ADCYAP1R1: variants seen among roughly 807,000 people sequenced by gnomAD.
The protein encoded by ADCYAP1R1 is pituitary adenylate cyclase-activating polypeptide type I receptor.
In ADCYAP1R1, 44 loss-of-function variants were observed where a neutral mutation model predicts 67.6. The ratio of observed to expected loss-of-function variants is 0.65; its 90% CI spans 0.51 to 0.84. The LOEUF is 0.84. Among genes scored for constraint, ADCYAP1R1 ranks in the 40% least tolerant of loss-of-function variants. ADCYAP1R1 has a pLI of 0.00. For missense variants in ADCYAP1R1, 477 were observed against 587.9 expected, an observed-to-expected ratio of 0.81 and a Z score of 1.95; for synonymous variants, 222 against 219.6, an observed-to-expected ratio of 1.01 and a Z score of -0.10.
In ADCYAP1R1 at chr7:31,111,315, G is replaced by A. The variant is rs1213545576; in HGVS notation, c.*4631G>A. 1 of 152,214 alleles carries A rather than the reference G, an allele frequency of 6.6e-6. No homozygotes were observed. The highest frequency in any genetic ancestry group is 1.5e-5 in the Non-Finnish European group (1 of 68,058). The allele number at this position is 152,214 out of a possible 1,614,324, so 9.4% of individuals were successfully genotyped here. ...CATGGTTCCTGCCTCACTTGTGGGA[G>A]CTGGACCAGCCTGGGTTTCATCTCC... On this transcript the variant is annotated 3_prime_UTR_variant, in exon 16 of 16. Coordinates refer to ENST00000304166, the MANE Select transcript of ADCYAP1R1 (RefSeq NM_001118.5).
chr7:31,068,703 C>G (rs770186608), intron 3 of ADCYAP1R1, among the ~76,000 whole-genome samples: 40 of 152,164 alleles, frequency 2.6e-4, no homozygotes, highest in Non-Finnish European at 5.1e-4. Flanking sequence ...GGGGAGGCCC[C>G]TGGGGAGGCT....
chr7:31,093,243 C>G (rs1364254732), intron 13 of ADCYAP1R1, among the ~76,000 whole-genome samples: 1 of 152,174 alleles, frequency 6.6e-6, no homozygotes, highest in Non-Finnish European at 1.5e-5. Flanking sequence ...CCTCCACAGG[C>G]CCTCGGGGCA....
At chr7:31,055,928 T>G (rs966937171) in intron 1 of ADCYAP1R1, among the ~76,000 whole-genome samples, 1 of 152,176 alleles carries the variant, frequency 6.6e-6, no homozygotes, top group Admixed American at 6.5e-5. Flanking sequence ...CTGTGATTGA[T>G]TCCCCCACTC....
intron 15 of ADCYAP1R1, 144 bp downstream of exon 15, chr7:31,105,053 A>G (rs1171568135): frequency 1.2e-6 from 1 of 848,434 alleles, no homozygotes; most frequent in African/African-American, 1.7e-5. Context: ...GGGGCTGGTC[A>G]TACAGCTCCT....
At chr7:31,084,942 TG>T in intron 8 of ADCYAP1R1, 108 bp downstream of exon 8, 1 of 1,073,084 alleles carries the variant, frequency 9.3e-7, no homozygotes, top group South Asian at 1.3e-5. Context: ...AAGACCCCTT[TG>T]AAGGCATTTC....
intron 13 of ADCYAP1R1, among the ~76,000 whole-genome samples, chr7:31,094,556 AG>A (rs1161114936): frequency 6.6e-6 from 1 of 152,040 alleles, no homozygotes; most frequent in Non-Finnish European, 1.5e-5. Context: ...TCTTCTACTG[AG>A]GGCCCCCCAA....
At chr7:31,087,530 A>C in intron 11 of ADCYAP1R1, 97 bp from the exon 12 acceptor site, 1 of 1,073,328 alleles carries the variant, frequency 9.3e-7, no homozygotes, top group Non-Finnish European at 1.4e-6. Context: ...TGCGGTGGTG[A>C]AAGTGTCGGG....
chr7:31,064,974 G>T, intron 3 of ADCYAP1R1, 38 bp downstream of exon 3: 2 of 1,498,232 alleles, frequency 1.3e-6, no homozygotes, highest in Non-Finnish European at 1.8e-6. Context: ...CGTCCCCAGT[G>T]CCAGCTTTTA....
chr7:31,098,705 G>T (rs929591229), intron 13 of ADCYAP1R1, among the ~76,000 whole-genome samples: 1 of 23,036 alleles, frequency 4.3e-5, no homozygotes, highest in Non-Finnish European at 6.5e-5. Context: ...CAGCGGGGCG[G>T]GGGGGGGGGG....
At chr7:31,080,449 T>C (rs1795469761) in intron 4 of ADCYAP1R1, among the ~76,000 whole-genome samples, 164 bp from the exon 5 acceptor site, 1 of 152,158 alleles carries the variant, frequency 6.6e-6, no homozygotes, top group Admixed American at 6.5e-5. Flanking sequence ...TGTCCCCAGC[T>C]TATAGTCCTG....
At chr7:31,065,462 C>T (rs1794696203) in intron 3 of ADCYAP1R1, among the ~76,000 whole-genome samples, 1 of 152,206 alleles carries the variant, frequency 6.6e-6, no homozygotes, top group Non-Finnish European at 1.5e-5. Context: ...CTGCTTCCCT[C>T]CACTGGAGGA....
At position 31,090,068 on chromosome 7, in the gene ADCYAP1R1, G is replaced by A. The variant is rs747837563; in HGVS notation, c.954+2372G>A. 2.0e-5 allele frequency among the ~76,000 whole-genome samples: 3 copies of A among 152,046 alleles called. No individual in the cohort carries two copies. The South Asian group carries it at 6.2e-4, about 31-fold the overall frequency. On this transcript the variant is annotated intron_variant, in intron 12 of 15. Coordinates refer to ENST00000304166, the MANE Select transcript of ADCYAP1R1 (RefSeq NM_001118.5). ...TTTTTATTTGCCTTGAAACAATTAA[G>A]CAGTATGTAAATTACATCTTTGTTA...
chr7:31,076,494 T>C (rs1183685683), intron 3 of ADCYAP1R1, among the ~76,000 whole-genome samples: 1 of 152,172 alleles, frequency 6.6e-6, no homozygotes, highest in African/African-American at 2.4e-5. Flanking sequence ...CAGTTTCCTC[T>C]TCCTTGCAGC....
At position 31,111,103 on chromosome 7, in the gene ADCYAP1R1, A is replaced by T. The variant is rs1156517143; in HGVS notation, c.*4419A>T. 1 of 152,214 alleles carries T rather than the reference A, an allele frequency of 6.6e-6. No homozygotes were observed. Among genetic ancestry groups the T allele is most frequent in the Non-Finnish European group, 1.5e-5 (1 of 68,042 alleles). 9.4% of individuals were successfully genotyped at this position (152,214 alleles called of 1,614,324 possible). On this transcript the variant is annotated 3_prime_UTR_variant, in exon 16 of 16. Transcript: ENST00000304166. ...GAGTGAGGATACTTCCATATGGGTG[A>T]TAGCAGCCATGCCCCTGGGAGTCAA...
chr7:31,084,023 C>A, intron 6 of ADCYAP1R1, 118 bp from the exon 7 acceptor site: 1 of 774,424 alleles, frequency 1.3e-6, no homozygotes, highest in Non-Finnish European at 2.2e-6. Flanking sequence ...TTTCCCCATG[C>A]TTCCCAGTTG....
At chr7:31,095,244 G>T (rs1168583214) in intron 13 of ADCYAP1R1, among the ~76,000 whole-genome samples, 1 of 152,228 alleles carries the variant, frequency 6.6e-6, no homozygotes. Flanking sequence ...CTAGTTATCA[G>T]TGAAGTGACG....
chr7:31,085,016 G>A (rs1025969933), intron 8 of ADCYAP1R1, among the ~76,000 whole-genome samples, 182 bp downstream of exon 8: 2 of 152,238 alleles, frequency 1.3e-5, no homozygotes, highest in South Asian at 4.1e-4. Flanking sequence ...CTTGTCCAGG[G>A]CTATGCAGCC....
At chr7:31,079,771 C>G (rs78384217) in intron 4 of ADCYAP1R1, among the ~76,000 whole-genome samples, 6,942 of 152,156 alleles carry the variant, frequency 0.046, 555 homozygotes, top group African/African-American at 0.16. Context: ...CCGGCCGGCC[C>G]GGGAGGAGGG....
chr7:31,070,508 A>C (rs76061374), intron 3 of ADCYAP1R1, among the ~76,000 whole-genome samples: 4 of 152,124 alleles, frequency 2.6e-5, no homozygotes, highest in African/African-American at 7.2e-5. Context: ...CGTTCAATAG[A>C]GGGGAGAGGC....
Sources: allele counts gnomAD v4.1 joint callset (sites outside exome capture counted in the v4.1 genomes callset), GRCh38; gene constraint gnomAD v4.1.1; transcripts MANE v1.5; gene names NCBI Gene and HGNC (gene_info 2026-07-23, HGNC 2026-07-21).